Variants in CEP152 observed in about 807,000 individuals in gnomAD.
The protein encoded by CEP152 is centrosomal protein of 152 kDa.
CEP152 carries 132 observed loss-of-function variants against 188.9 expected under a neutral mutation model. The observed-to-expected ratio is 0.70, with a 90% CI of 0.61 to 0.81. The LOEUF (loss-of-function observed/expected upper bound fraction) is 0.81, where lower values mean the gene tolerates loss of function less well. CEP152 is among the 30% of genes least tolerant of loss of function. CEP152 has a pLI of 0.00. For missense variants in CEP152, 1,914 were observed against 1,969.8 expected (o/e 0.97, Z 0.54); for synonymous variants, 649 against 666.6 (o/e 0.97, Z 0.41).
chr15:48,760,031 A>G, intron 19 of CEP152, 104 bp downstream of exon 19: 1 of 1,457,788 alleles, frequency 6.9e-7, no homozygotes. Flanking sequence ...CAACATGTTT[A>G]TCCTTCAACA....
At chr15:48,784,903 G>A (rs958830932) in intron 9 of CEP152, among the ~76,000 whole-genome samples, 8 of 152,126 alleles carry the variant, frequency 5.3e-5, no homozygotes, top group East Asian at 3.8e-4. Context: ...AATAAACCAC[G>A]GGAGTCCTGA....
chr15:48,782,042 A>G, intron 11 of CEP152, 97 bp downstream of exon 11: 1 of 1,123,724 alleles, frequency 8.9e-7, no homozygotes, highest in Non-Finnish European at 1.3e-6. Context: ...TGGTCCAACC[A>G]CCTCTATTAT....
Position 48,791,377 on chromosome 15 carries a change from C to G in CEP152, c.833-1G>C, listed in dbSNP as rs372745389. ...CTGAGAGTCAAACCATCCTTTTCATCTACGGTATTAAAAATGTTTATATAA... is the reference window on the plus strand; with the variant it reads ...CTGAGAGTCAAACCATCCTTTTCATGTACGGTATTAAAAATGTTTATATAA... On this transcript the variant is annotated splice_acceptor_variant, in intron 7 of 26. Coordinates refer to ENST00000380950, the MANE Select transcript of CEP152 (RefSeq NM_001194998.2). LOFTEE classifies it high-confidence loss of function. 2.5e-6 allele frequency: 4 copies of G among 1,611,020 alleles called. No homozygotes were observed. Among genetic ancestry groups the G allele is most frequent in the Non-Finnish European group, 3.4e-6 (4 of 1,179,022 alleles).
At chr15:48,746,208 C>A (rs555779083) in intron 22 of CEP152, among the ~76,000 whole-genome samples, 17 of 152,042 alleles carry the variant, frequency 1.1e-4, no homozygotes, top group African/African-American at 4.1e-4. Context: ...AAATTCTGAC[C>A]CAGACCCTTT....
intron 19 of CEP152, among the ~76,000 whole-genome samples, chr15:48,757,627 T>C (rs1489634058): frequency 6.6e-6 from 1 of 152,134 alleles, no homozygotes; most frequent in African/African-American, 2.4e-5. Flanking sequence ...AAGACAGAAC[T>C]GGGCATCTCC....
downstream of CEP152, among the ~76,000 whole-genome samples, chr15:48,733,419 A>G (rs747479132): frequency 6.6e-6 from 1 of 152,268 alleles, no homozygotes; most frequent in Non-Finnish European, 1.5e-5. Flanking sequence ...TAGGCTAAAC[A>G]GCAGAATTGA....
downstream of CEP152, among the ~76,000 whole-genome samples, chr15:48,733,610 T>C (rs1892498075): frequency 1.3e-5 from 2 of 151,878 alleles, no homozygotes; most frequent in Admixed American, 6.6e-5. Context: ...ATTGAAGAAA[T>C]AGTGGCCAAA....
intron 12 of CEP152, among the ~76,000 whole-genome samples, chr15:48,776,186 A>T (rs1188962820): frequency 1.3e-5 from 2 of 152,122 alleles, no homozygotes; most frequent in Admixed American, 1.3e-4. Flanking sequence ...CAAATAATTC[A>T]TTAAGCTATA....
Position 48,748,501 on chromosome 15 carries a change from G to T in CEP152, c.3576C>A (p.Cys1192Ter). The T allele has an allele frequency of 6.5e-7, 1 of 1,534,702 alleles. No homozygotes were observed. The highest frequency in any genetic ancestry group is 2.4e-5 in the East Asian group (1 of 40,854). Residue 1192 changes from cysteine to a stop codon, truncating the protein, a stop_gained, in exon 22 of 27, where the codon TGC (cysteine) becomes TGA (stop). Transcript: ENST00000380950. LOFTEE classifies it high-confidence loss of function. The stretch of plus-strand genomic sequence containing the variant: ...TTTCTAAATGCTGAAGATGCCTACA[G>T]CATTTCTCCAGTTTTCCTTTCAGAT... ...CQDLKGKLEK[C>*]CRHLQHLERK...
Position 48,744,314 on chromosome 15 carries a change from G to A in CEP152, c.3761C>T (p.Ala1254Val), listed in dbSNP as rs775863105. Residue 1254 changes from alanine to valine, a missense_variant, in exon 24 of 27, where the codon GCT (alanine) becomes GTT (valine). Ala to Val is a moderately conservative substitution (Grantham distance 64). Transcript: ENST00000380950. The stretch of plus-strand genomic sequence containing the variant: ...GGCTCCCCCACTGCATGGCAGGCAA[G>A]CATTTTCAATGGCCCCTGCTGACAA... Reference protein sequence around the residue: ...RSLSAGAIENACLPCSGGALE... With the variant: ...RSLSAGAIENVCLPCSGGALE... The A allele has an allele frequency of 2.5e-6, 4 of 1,613,850 alleles. No homozygotes were observed. The highest frequency in any genetic ancestry group is 1.7e-5 in the Admixed American group (1 of 59,998).
intron 11 of CEP152, 146 bp downstream of exon 11, chr15:48,781,993 A>G: frequency 1.4e-6 from 1 of 716,556 alleles, no homozygotes; most frequent in Non-Finnish European, 2.5e-6. Context: ...CAACTGTGTG[A>G]AGGAGATGGT....
chr15:48,744,952 G>C lies in CEP152; in HGVS notation c.3675C>G (p.Asn1225Lys). Reference sequence around the variant, plus strand: ...CTTCCAATTTATTCTTCATGTCGTTGTTTTCTTCTATTAATTCTTCAACAA... The same window carrying C: ...CTTCCAATTTATTCTTCATGTCGTTCTTTTCTTCTATTAATTCTTCAACAA... ...NKVVEELIEE[N>K]NDMKNKLEEL... The change falls in exon 23 of 27, where the codon AAC becomes AAG. Residue 1225 changes from asparagine to lysine, a missense_variant. Physicochemically the swap from Asn to Lys is moderately conservative, Grantham distance 94. Coordinates refer to ENST00000380950, the MANE Select transcript of CEP152 (RefSeq NM_001194998.2). 6.2e-7 allele frequency: 1 copy of C among 1,610,386 alleles called. No homozygotes were observed. Among genetic ancestry groups the C allele is most frequent in the East Asian group, 2.2e-5 (1 of 44,658 alleles).
intron 22 of CEP152, among the ~76,000 whole-genome samples, chr15:48,746,602 G>C (rs907239758): frequency 1.3e-5 from 2 of 152,122 alleles, no homozygotes; most frequent in Admixed American, 6.6e-5. Flanking sequence ...TAAGTACTAA[G>C]AGTAATAAGT....
At chr15:48,810,231 C>T (rs991904313) in intron 1 of CEP152, 1 of 152,262 alleles carries the variant, frequency 6.6e-6, no homozygotes, top group Non-Finnish European at 1.5e-5. Context: ...GCTGACATAA[C>T]TCGCCTTCTA....
chr15:48,789,940 G>A (rs577949815), intron 8 of CEP152, among the ~76,000 whole-genome samples: 172 of 152,288 alleles, frequency 1.1e-3, no homozygotes, highest in African/African-American at 3.9e-3. Context: ...GTGGTCATCT[G>A]TTACAGCAGC....
chr15:48,734,667 AG>A (rs1892538809), downstream of CEP152, among the ~76,000 whole-genome samples: 1 of 152,066 alleles, frequency 6.6e-6, no homozygotes, highest in African/African-American at 2.4e-5. Flanking sequence ...ATAGGTTAAA[AG>A]GAAAAAAACA....
intron 21 of CEP152, among the ~76,000 whole-genome samples, chr15:48,749,029 C>T (rs1037066419): frequency 6.6e-6 from 1 of 152,036 alleles, no homozygotes; most frequent in Non-Finnish European, 1.5e-5. Context: ...CTCAAAAATA[C>T]AGGCATGTCA....
In CEP152 at chr15:48,738,093, A is replaced by C; in HGVS notation, c.*156T>G. 2 of 820,244 alleles carry C rather than the reference A, an allele frequency of 2.4e-6. No individual in the cohort carries two copies. The highest frequency in any genetic ancestry group is 3.7e-6 in the Non-Finnish European group (2 of 542,330). 50.8% of individuals were successfully genotyped at this position (820,244 alleles called of 1,614,324 possible). A position where few individuals can be genotyped will look rare whatever the true frequency, so the allele number is the denominator to read the frequency against. On this transcript the variant is annotated 3_prime_UTR_variant, in exon 27 of 27. Coordinates refer to ENST00000380950, the MANE Select transcript of CEP152 (RefSeq NM_001194998.2). ...GCCTTTGGAATATTAAGGCAACATAAATATCTCAAGCAATTTTAGAAGAAT... is the reference window on the plus strand; with the variant it reads ...GCCTTTGGAATATTAAGGCAACATACATATCTCAAGCAATTTTAGAAGAAT...
Position 48,801,626 on chromosome 15 carries a change from A to G in CEP152, c.88-3575T>C, listed in dbSNP as rs996414626. On this transcript the variant is annotated intron_variant, in intron 2 of 26. Transcript: ENST00000380950. ...AGCTCCAGAATATATACACACATAA[A>G]TAGATAATTTTACTATCTGGAACCA... Among the ~76,000 whole-genome samples, 11 of 152,290 alleles carry G rather than the reference A, an allele frequency of 7.2e-5. No homozygotes were observed. In the East Asian group the frequency reaches 2.1e-3, roughly 29 times the overall value.
Sources: gnomAD v4.1 joint callset for allele counts (sites outside exome capture counted in the v4.1 genomes callset) on GRCh38, gnomAD v4.1.1 for gene constraint, MANE v1.5 for transcripts, NCBI Gene and HGNC (gene_info 2026-07-23, HGNC 2026-07-21) for gene names.